DYRK1B: variants seen among roughly 807,000 people sequenced by gnomAD.
DYRK1B encodes the protein dual specificity tyrosine phosphorylation regulated kinase 1B.
DYRK1B carries 20 observed loss-of-function variants against 57.1 expected under a neutral mutation model. The observed-to-expected ratio is 0.35, with a 90% CI of 0.25 to 0.51. DYRK1B has a LOEUF of 0.51. Among genes scored for constraint, DYRK1B ranks in the 20% least tolerant of loss-of-function variants. The pLI, the probability that DYRK1B is intolerant of heterozygous loss-of-function variation, is 0.96. For missense variants in DYRK1B, 732 were observed against 886.3 expected (o/e 0.83, Z 2.21); for synonymous variants, 409 against 384.7 (o/e 1.06, Z -0.74).
Position 39,829,866 on chromosome 19 carries a change from G to T in DYRK1B, c.520+14C>A, listed in dbSNP as rs553857403. On this transcript the variant is annotated intron_variant, in intron 5 of 10. Coordinates refer to ENST00000323039, the MANE Select transcript of DYRK1B (RefSeq NM_004714.3). ...ATCCCAGGTGCCCACAGCCCTGCCA[G>T]TCCCAGGCCTCACCTATATAGTACT... The T allele has an allele frequency of 2.0e-5, 32 of 1,611,604 alleles. No homozygotes were observed. The African/African-American group carries it at 3.9e-4, about 19-fold the overall frequency.
chr19:39,830,316 T>C, intron 4 of DYRK1B, 59 bp downstream of exon 4: 1 of 1,605,040 alleles, frequency 6.2e-7, no homozygotes, highest in East Asian at 2.2e-5. Context: ...ACTGAACCAC[T>C]GGGTGTGTGA....
At chr19:39,830,062 G>A (rs986982884) in intron 4 of DYRK1B, 35 bp from the exon 5 acceptor site, 2 of 1,610,852 alleles carry the variant, frequency 1.2e-6, no homozygotes, top group African/African-American at 1.3e-5. Flanking sequence ...AGAAAGGGGT[G>A]GGAGCAGGGC....
intron 1 of DYRK1B, among the ~76,000 whole-genome samples, chr19:39,832,365 G>A (rs1968858766): frequency 6.6e-6 from 1 of 152,016 alleles, no homozygotes. Context: ...CTCACTACTC[G>A]TGGCCCTCCC....
rs900487040 is a variant in DYRK1B at position 39,826,568 on chromosome 19, G to A, written c.1411+104C>T. On this transcript the variant is annotated intron_variant, in intron 9 of 10. Coordinates refer to ENST00000323039, the MANE Select transcript of DYRK1B (RefSeq NM_004714.3). This position sits in a 1 kb window ranked among gnomAD's most constrained non-coding sequence, Gnocchi z 6.3. Reference sequence around the variant, plus strand: ...CACGTCATCTTACAGTTCAGGATCAGTTTCGGCGCTTTGTGTGAAGACCCA... The same window carrying A: ...CACGTCATCTTACAGTTCAGGATCAATTTCGGCGCTTTGTGTGAAGACCCA... 2 of 1,280,932 alleles carry A rather than the reference G, an allele frequency of 1.6e-6. No individual in the cohort carries two copies. The highest frequency in any genetic ancestry group is 1.0e-6 in the Non-Finnish European group (1 of 962,292). 79.3% of individuals were successfully genotyped at this position (1,280,932 alleles called of 1,614,324 possible).
At chr19:39,830,249 G>T in intron 4 of DYRK1B, 126 bp downstream of exon 4, 1 of 1,302,686 alleles carries the variant, frequency 7.7e-7, no homozygotes. Context: ...AAAGGCGACT[G>T]AGGCACAGGG....
intron 3 of DYRK1B, 45 bp downstream of exon 3, chr19:39,830,619 C>A: frequency 1.2e-6 from 2 of 1,613,050 alleles, no homozygotes; most frequent in South Asian, 2.2e-5. Context: ...TGCCAGCAGA[C>A]AAGACCCTCG....
chr19:39,830,171 G>A, intron 4 of DYRK1B, 144 bp from the exon 5 acceptor site: 2 of 1,180,008 alleles, frequency 1.7e-6, no homozygotes, highest in South Asian at 1.5e-5. Context: ...AGGCGCTGGT[G>A]TAAACACTGG....
intron 1 of DYRK1B, chr19:39,833,200 C>CA (rs1189457174): frequency 1.0e-6 from 1 of 985,826 alleles, no homozygotes; most frequent in Non-Finnish European, 1.2e-6. Flanking sequence ...GAGCTTCCCC[C>CA]AAAAAACCAC....
At chr19:39,829,457 G>A (rs1485127767) in intron 5 of DYRK1B, among the ~76,000 whole-genome samples, 2 of 152,142 alleles carry the variant, frequency 1.3e-5, no homozygotes, top group East Asian at 3.9e-4. Flanking sequence ...TCGATCTCTT[G>A]ATATCATGAT....
Position 39,825,565 on chromosome 19 carries a change from C to A in DYRK1B, c.*150G>T. 2 of 788,396 alleles carry A rather than the reference C, an allele frequency of 2.5e-6. No individual in the cohort carries two copies. Among genetic ancestry groups the A allele is most frequent in the South Asian group, 1.8e-5 (1 of 55,264 alleles). 48.8% of individuals were successfully genotyped at this position (788,396 alleles called of 1,614,324 possible). ...AGCGGCCAAAACCCTCTCCTTGACC[C>A]CCCTGCCCCAGGCCCCAATCAGTGC... On this transcript the variant is annotated 3_prime_UTR_variant, in exon 11 of 11. Coordinates refer to ENST00000323039, the MANE Select transcript of DYRK1B (RefSeq NM_004714.3).
chr19:39,829,901 T>G lies in DYRK1B; in HGVS notation c.499A>C (p.Thr167Pro). The G allele has an allele frequency of 6.2e-7, 1 of 1,613,876 alleles. No individual in the cohort carries two copies. Among genetic ancestry groups the G allele is most frequent in the South Asian group, 1.1e-5 (1 of 91,052 alleles). Residue 167 changes from threonine (T) to proline (P), a missense_variant, in exon 5 of 11, where the codon ACG becomes CCG. This residue lies in a region of DYRK1B where 510 missense variants were observed against 681.3 expected (regional missense o/e 0.75). Transcript: ENST00000323039. ...TCACCTATATAGTACTTCATCTCCG[T>G]GTCATGCTGGTTCATCAGCTCCAGC... ...RLLELMNQHD[T>P]EMKYYIVHLK... is the part of the protein sequence containing the mutation.
chr19:39,825,564 C>T lies in DYRK1B; in HGVS notation c.*151G>A, dbSNP rs1171437317. ...GAGCGGCCAAAACCCTCTCCTTGAC[C>T]CCCCTGCCCCAGGCCCCAATCAGTG... On this transcript the variant is annotated 3_prime_UTR_variant, in exon 11 of 11. Transcript: ENST00000323039. 3.9e-6 allele frequency: 3 copies of T among 775,266 alleles called. No individual in the cohort carries two copies. The highest frequency in any genetic ancestry group is 6.0e-6 in the Non-Finnish European group (3 of 496,272). The allele number at this position is 775,266 out of a possible 1,614,324, so 48.0% of individuals were successfully genotyped here. A position where few individuals can be genotyped will look rare whatever the true frequency, so the allele number is the denominator to read the frequency against.
chr19:39,831,808 C>T lies in DYRK1B; in HGVS notation c.60G>A (p.Thr20=), dbSNP rs142943294. 8 of 1,547,948 alleles carry T rather than the reference C, an allele frequency of 5.2e-6. No homozygotes were observed. The highest frequency in any genetic ancestry group is 6.1e-6 in the Non-Finnish European group (7 of 1,146,192). Residue 20 remains threonine (T), a synonymous_variant, in exon 2 of 11, where the codon ACG becomes ACA. Coordinates refer to ENST00000323039, the MANE Select transcript of DYRK1B (RefSeq NM_004714.3). The part of the protein sequence containing the change: ...FSGFPGPQEH[T]QVLPDVRLLP... ...GAGGAGCCAGCTGAACGCGTACCTG[C>T]GTGTGCTCCTGGGGCCCTGGGAAGC... is the stretch of plus-strand genomic sequence containing the variant.
rs1294451640 is a variant in DYRK1B, at chr19:39,834,103, AC to A, written c.-183del. On this transcript the variant is annotated 5_prime_UTR_variant, in exon 1 of 11. Coordinates refer to ENST00000323039, the MANE Select transcript of DYRK1B (RefSeq NM_004714.3). ...CCCACTGGCTGAGGGTATCCGGCGGACGCGGCAAGCCAGGGCCCCGATTACC... is the reference window on the plus strand; with the variant it reads ...CCCACTGGCTGAGGGTATCCGGCGGAGCGGCAAGCCAGGGCCCCGATTACC... 5.4e-6 allele frequency: 1 copy of A among 184,510 alleles called. No homozygotes were observed. Among genetic ancestry groups the A allele is most frequent in the Non-Finnish European group, 1.2e-5 (1 of 86,170 alleles). The allele number at this position is 184,510 out of a possible 1,614,324, so 11.4% of individuals were successfully genotyped here.
intron 1 of DYRK1B, chr19:39,833,771 G>A (rs1968944176): frequency 6.6e-6 from 1 of 152,328 alleles, no homozygotes; most frequent in Admixed American, 6.5e-5. Flanking sequence ...CCGCGGAGCT[G>A]AGCCCAAACA....
At chr19:39,831,763 C>A in intron 2 of DYRK1B, 42 bp downstream of exon 2, 1 of 1,549,026 alleles carries the variant, frequency 6.5e-7, no homozygotes, top group African/African-American at 1.4e-5. Flanking sequence ...TCCCCAGCCT[C>A]CCCCTACCAC....
At chr19:39,833,395 G>A (rs1160800258) in intron 1 of DYRK1B, 3 of 979,374 alleles carry the variant, frequency 3.1e-6, no homozygotes, top group African/African-American at 3.5e-5. Context: ...TGGCCCGGCC[G>A]GCCCCGCGGC....
rs1279019419 is a variant in DYRK1B, at chr19:39,828,429, C to T, written c.675G>A (p.Leu225=). The change falls in exon 6 of 11, where the codon CTG becomes CTA. Residue 225 remains leucine (L), a synonymous_variant. Coordinates refer to ENST00000323039, the MANE Select transcript of DYRK1B (RefSeq NM_004714.3). This position sits in a 1 kb window ranked among gnomAD's most constrained non-coding sequence, Gnocchi z 4.3. ...TGAGCTCAGGCGTGGCCAGAAAGAG[C>T]AGTGCCGTGCAGAGCTGCTGCGCCA... ...RKLAQQLCTA[L]LFLATPELSI... is the part of the protein sequence containing the mutation. The T allele has an allele frequency of 9.9e-6, 16 of 1,613,944 alleles. No individual in the cohort carries two copies. The highest frequency in any genetic ancestry group is 1.3e-5 in the Non-Finnish European group (15 of 1,179,936).
At position 39,832,072 on chromosome 19, in the gene DYRK1B, G is replaced by A. The variant is rs1205115392; in HGVS notation, c.-101-104C>T. On this transcript the variant is annotated intron_variant, in intron 1 of 10. Coordinates refer to ENST00000323039, the MANE Select transcript of DYRK1B (RefSeq NM_004714.3). ...TGAGAAAGACAGGGCACAGAGAGAA[G>A]AGGAAAAGGGCACAACGGAGCAGCA... 5.6e-6 allele frequency: 7 copies of A among 1,258,676 alleles called. No homozygotes were observed. In the East Asian group the frequency reaches 2.1e-4, roughly 38 times the overall value. The allele number at this position is 1,258,676 out of a possible 1,614,324, so 78.0% of individuals were successfully genotyped here. A position where few individuals can be genotyped will look rare whatever the true frequency, so the allele number is the denominator to read the frequency against.
Sources: allele counts gnomAD v4.1 joint callset (sites outside exome capture counted in the v4.1 genomes callset), GRCh38; gene constraint gnomAD v4.1.1; regional missense constraint gnomAD v4.1.1; non-coding constraint Gnocchi (gnomAD v3.1); transcripts MANE v1.5; gene names NCBI Gene and HGNC (gene_info 2026-07-23, HGNC 2026-07-21).